The following LIMCH1 variants were observed in gnomAD, a reference collection of about 807,000 sequenced individuals.
LIMCH1 encodes the protein LIM and calponin homology domains-containing protein 1.
LIMCH1 carries 113 observed loss-of-function variants against 176.5 expected under a neutral mutation model. The observed-to-expected ratio is 0.64, with a 90% CI of 0.55 to 0.75. The LOEUF is 0.75. LIMCH1 is among the 30% of genes least tolerant of loss of function. The pLI is 0.00. For missense variants in LIMCH1, 1,674 were observed against 1,814.9 expected (o/e 0.92, Z 1.41); for synonymous variants, 619 against 645.9 (o/e 0.96, Z 0.63).
At chr4:41,581,826 A>AAAG (rs2085524346) in intron 1 of LIMCH1, among the ~76,000 whole-genome samples, 1 of 151,172 alleles carries the variant, frequency 6.6e-6, no homozygotes, top group African/African-American at 2.4e-5. Flanking sequence ...AAAAAAAAAA[A>AAAG]AAAACAACAG....
At chr4:41,471,365 G>A (rs1193430174) in intron 1 of LIMCH1, among the ~76,000 whole-genome samples, 2 of 152,178 alleles carry the variant, frequency 1.3e-5, no homozygotes, top group Non-Finnish European at 2.9e-5. Context: ...TGAGGATGGT[G>A]GAAAGAGCTG....
At chr4:41,646,396 A>G in intron 16 of LIMCH1, 89 bp from the exon 17 acceptor site, 1 of 1,518,554 alleles carries the variant, frequency 6.6e-7, no homozygotes, top group Non-Finnish European at 8.9e-7. Flanking sequence ...TCCCTGTACT[A>G]TCTCTTCAGT....
chr4:41,413,040 A>G lies in LIMCH1; in HGVS notation c.96+52104A>G, dbSNP rs536617296. Reference sequence around the variant, plus strand: ...ATCTACCACCTTTGAAGATTGAGATAATGTGCATGACAATATCTGGAACTT... The same window carrying G: ...ATCTACCACCTTTGAAGATTGAGATGATGTGCATGACAATATCTGGAACTT... On this transcript the variant is annotated intron_variant, in intron 1 of 26. Transcript: ENST00000313860. 1.1e-4 allele frequency among the ~76,000 whole-genome samples: 17 copies of G among 152,212 alleles called. No individual in the cohort carries two copies. In the East Asian group the frequency reaches 3.1e-3, roughly 28 times the overall value.
At chr4:41,425,701 C>T (rs2061017132) in intron 1 of LIMCH1, among the ~76,000 whole-genome samples, 1 of 152,218 alleles carries the variant, frequency 6.6e-6, no homozygotes, top group African/African-American at 2.4e-5. Flanking sequence ...CCTGCTGCCT[C>T]TGCTACCTGC....
intron 2 of LIMCH1, among the ~76,000 whole-genome samples, chr4:41,516,071 T>C (rs934038466): frequency 2.6e-5 from 4 of 152,252 alleles, no homozygotes; most frequent in African/African-American, 9.6e-5. Context: ...TATGTAGTTA[T>C]ACTAAGTTCT....
At position 41,619,457 on chromosome 4, in the gene LIMCH1, G is replaced by A. The variant is rs201504061; in HGVS notation, c.458+17G>A. ...GCCCTTCAGGTAAGGCCTGAGCACC[G>A]CTGCCCTCTTCCTGGCTTGGGCATG... is the stretch of plus-strand genomic sequence containing the variant. On this transcript the variant is annotated intron_variant, in intron 6 of 31. Transcript: ENST00000503057. The A allele has an allele frequency of 8.1e-6, 13 of 1,603,746 alleles. No individual in the cohort carries two copies. The highest frequency in any genetic ancestry group is 4.5e-5 in the East Asian group (2 of 44,868).
At chr4:41,447,968 T>C (rs557550873) in intron 1 of LIMCH1, among the ~76,000 whole-genome samples, 1 of 152,272 alleles carries the variant, frequency 6.6e-6, no homozygotes, top group African/African-American at 2.4e-5. Flanking sequence ...TTTTTGTGTT[T>C]TTAGTAGAAA....
Position 41,563,469 on chromosome 4 carries a change from C to G in LIMCH1, c.-241+25119C>G, listed in dbSNP as rs150869655. ...GTATCTCTCAAAATTAAGTAAGCAGCCCAGATACTTGCAAATGGATTTTAG... is the reference window on the plus strand; with the variant it reads ...GTATCTCTCAAAATTAAGTAAGCAGGCCAGATACTTGCAAATGGATTTTAG... On this transcript the variant is annotated intron_variant, in intron 1 of 31. Transcript: ENST00000503057. 3.9e-5 allele frequency among the ~76,000 whole-genome samples: 6 copies of G among 152,214 alleles called. No homozygotes were observed. The East Asian group carries it at 1.2e-3, about 29-fold the overall frequency.
intron 1 of LIMCH1, among the ~76,000 whole-genome samples, chr4:41,570,473 G>A (rs922159228): frequency 2.0e-5 from 3 of 152,138 alleles, no homozygotes; most frequent in Non-Finnish European, 2.9e-5. Flanking sequence ...TTGCATTAGC[G>A]TTGCAGTGGA....
chr4:41,360,058 T>TGTGTGTGTGTG (rs2051798615), upstream of LIMCH1, among the ~76,000 whole-genome samples: 2 of 150,352 alleles, frequency 1.3e-5, no homozygotes, highest in African/African-American at 2.4e-5. This position sits in a 1 kb window ranked among gnomAD's most constrained non-coding sequence, Gnocchi z 4.5. Flanking sequence ...TGTGTGTGTG[T>TGTGTGTGTGTG]TTCCATCTCT....
In LIMCH1 at chr4:41,650,626, C is replaced by G. The variant is rs1175506108; in HGVS notation, c.3036+18C>G. 1 of 1,585,418 alleles carries G rather than the reference C, an allele frequency of 6.3e-7. No homozygotes were observed. Among genetic ancestry groups the G allele is most frequent in the Non-Finnish European group, 8.6e-7 (1 of 1,158,342 alleles). ...AGCTCGCAGTAAGAACCAAACATTT[C>G]CCCGCCTCCCTTTGGGATAATTCCA... On this transcript the variant is annotated intron_variant, in intron 18 of 31. Transcript: ENST00000503057.
chr4:41,385,912 G>A (rs1384474977), intron 1 of LIMCH1: 2 of 152,242 alleles, frequency 1.3e-5, no homozygotes, highest in Non-Finnish European at 2.9e-5. Flanking sequence ...TCAAGGCTAA[G>A]GATGAATGGA....
intron 1 of LIMCH1, among the ~76,000 whole-genome samples, chr4:41,560,232 A>G (rs532613619): frequency 1.3e-5 from 2 of 152,186 alleles, no homozygotes; most frequent in East Asian, 1.9e-4. Context: ...TTCTAAGTCC[A>G]CACTCTCTCA....
intron 1 of LIMCH1, among the ~76,000 whole-genome samples, chr4:41,486,973 T>TAC (rs1554068488): frequency 1.0e-4 from 9 of 86,814 alleles, no homozygotes; most frequent in Middle Eastern, 0.012. Flanking sequence ...CACACACACA[T>TAC]ACATACACAC....
intron 1 of LIMCH1, among the ~76,000 whole-genome samples, chr4:41,565,386 C>CAT (rs1554102448): frequency 1.4e-5 from 2 of 139,632 alleles, no homozygotes; most frequent in East Asian, 4.0e-4. Context: ...CACACACATA[C>CAT]ACACACACAC....
At chr4:41,538,128 G>A (rs2078157184), upstream of LIMCH1, 2 of 983,064 alleles carry the variant, frequency 2.0e-6, no homozygotes, top group East Asian at 1.1e-4. Context: ...GTGGCAATCA[G>A]CTGTCTTCCA....
chr4:41,524,404 G>A (rs768329334), intron 2 of LIMCH1: 3 of 1,613,152 alleles, frequency 1.9e-6, no homozygotes, highest in African/African-American at 1.3e-5. Flanking sequence ...CCTTTTTCAT[G>A]ACAGGTTGCT....
At chr4:41,511,670 GGAA>G (rs1399784289) in intron 2 of LIMCH1, among the ~76,000 whole-genome samples, 9 of 152,046 alleles carry the variant, frequency 5.9e-5, no homozygotes, top group Admixed American at 4.6e-4. Context: ...AGGGAGGACG[GGAA>G]GAAGAAAGAT....
intron 1 of LIMCH1, chr4:41,551,412 T>A (rs2080402193): frequency 6.6e-6 from 1 of 152,224 alleles, no homozygotes; most frequent in Non-Finnish European, 1.5e-5. Flanking sequence ...CTTGCTTTTC[T>A]TTATATAGTT....
Sources: allele counts gnomAD v4.1 joint callset (sites outside exome capture counted in the v4.1 genomes callset), GRCh38; gene constraint gnomAD v4.1.1; non-coding constraint Gnocchi (gnomAD v3.1); transcripts MANE v1.5; gene names NCBI Gene and HGNC (gene_info 2026-07-23, HGNC 2026-07-21).